Variants in SYCP1 observed in about 807,000 individuals in gnomAD.
The protein encoded by SYCP1 is cancer/testis antigen 8.
A neutral mutation model predicts 153.1 loss-of-function variants in SYCP1; 64 were observed. That is an observed-to-expected ratio of 0.42 (90% CI 0.34 to 0.51). The LOEUF is 0.51. Among genes scored for constraint, SYCP1 ranks in the 20% least tolerant of loss-of-function variants. The pLI, the probability that SYCP1 is intolerant of heterozygous loss-of-function variation, is 0.06. For missense variants in SYCP1, 997 were observed against 1,049.0 expected (o/e 0.95, Z 0.68); for synonymous variants, 384 against 341.8 (o/e 1.12, Z -1.36).
chr1:114,969,670 A>C (rs1025205834), intron 27 of SYCP1, among the ~76,000 whole-genome samples: 9 of 152,072 alleles, frequency 5.9e-5, no homozygotes, highest in African/African-American at 1.9e-4. Flanking sequence ...GTCTCATTGG[A>C]GTTTCATGTG....
chr1:114,920,513 A>T (rs1479303431), intron 20 of SYCP1, among the ~76,000 whole-genome samples: 1 of 152,022 alleles, frequency 6.6e-6, no homozygotes, highest in Non-Finnish European at 1.5e-5. Flanking sequence ...TAAAGTGCAG[A>T]TTGATTGATG....
intron 23 of SYCP1, among the ~76,000 whole-genome samples, chr1:114,930,873 A>T (rs1284131062): frequency 6.6e-6 from 1 of 151,906 alleles, no homozygotes; most frequent in South Asian, 2.1e-4. Context: ...TTAATAAAGT[A>T]TTAGTAAATC....
At chr1:114,917,976 C>A (rs1419114881) in intron 20 of SYCP1, among the ~76,000 whole-genome samples, 1 of 151,196 alleles carries the variant, frequency 6.6e-6, no homozygotes. Flanking sequence ...TGTGCAGAAG[C>A]TTTTTAACTT....
In SYCP1 at chr1:114,854,985, A is replaced by C. The variant is rs1351622656; in HGVS notation, c.-58A>C. 2 of 152,558 alleles carry C rather than the reference A, an allele frequency of 1.3e-5. No homozygotes were observed. The highest frequency in any genetic ancestry group is 1.9e-4 in the East Asian group (1 of 5,166). 9.5% of individuals were successfully genotyped at this position (152,558 alleles called of 1,614,324 possible). On this transcript the variant is annotated 5_prime_UTR_variant, in exon 1 of 32. Transcript: ENST00000369522. ...ACCGTATGTAGCAGTTCGCGTGGGC[A>C]CAGAACCCACGGTTTCCCGCTAGTT...
intron 12 of SYCP1, among the ~76,000 whole-genome samples, 181 bp from the exon 13 acceptor site, chr1:114,885,354 A>G (rs947801329): frequency 1.3e-5 from 2 of 152,122 alleles, no homozygotes; most frequent in Non-Finnish European, 2.9e-5. Flanking sequence ...GGAGATAACA[A>G]TCTTGAAAAG....
intron 15 of SYCP1, among the ~76,000 whole-genome samples, chr1:114,891,514 T>C (rs1666700094): frequency 6.6e-6 from 1 of 152,236 alleles, no homozygotes; most frequent in African/African-American, 2.4e-5. Flanking sequence ...GAGTACTGCA[T>C]ACCAAGTGAG....
At chr1:114,992,077 T>G (rs940244039) in intron 30 of SYCP1, among the ~76,000 whole-genome samples, 5 of 151,772 alleles carry the variant, frequency 3.3e-5, no homozygotes, top group Admixed American at 1.3e-4. Flanking sequence ...ATTTAAATAC[T>G]TAGGAACAAA....
At chr1:114,992,669 A>C in intron 30 of SYCP1, among the ~76,000 whole-genome samples, 1 of 151,680 alleles carries the variant, frequency 6.6e-6, no homozygotes, top group Non-Finnish European at 1.5e-5. Flanking sequence ...TTAAGAGCTA[A>C]AACTATAAAA....
chr1:114,935,417 G>A (rs1264003285), intron 23 of SYCP1, among the ~76,000 whole-genome samples: 3 of 152,174 alleles, frequency 2.0e-5, no homozygotes, highest in Non-Finnish European at 2.9e-5. Flanking sequence ...GTGTGTAGAG[G>A]GAAATTTGTA....
At position 114,856,693 on chromosome 1, in the gene SYCP1, A is replaced by G. The variant is rs753767319; in HGVS notation, c.193+36A>G. 6 of 1,478,828 alleles carry G rather than the reference A, an allele frequency of 4.1e-6. No homozygotes were observed. The South Asian group carries it at 6.0e-5, about 15-fold the overall frequency. The allele number at this position is 1,478,828 out of a possible 1,614,324, so 91.6% of individuals were successfully genotyped here. A position where few individuals can be genotyped will look rare whatever the true frequency, so the allele number is the denominator to read the frequency against. On this transcript the variant is annotated intron_variant, in intron 3 of 31. Transcript: ENST00000369522. Reference sequence around the variant, plus strand: ...GGAAAAGCAGTGTATCAGCTTATATAGAAACATTGTGTTACATACATCGAT... The same window carrying G: ...GGAAAAGCAGTGTATCAGCTTATATGGAAACATTGTGTTACATACATCGAT...
intron 30 of SYCP1, 123 bp from the exon 31 acceptor site, chr1:114,994,575 C>T: frequency 1.6e-6 from 1 of 610,336 alleles, no homozygotes; most frequent in Non-Finnish European, 2.5e-6. Flanking sequence ...TTGCCCTTCT[C>T]CCTTCTACAT....
chr1:114,957,149 C>G (rs1050720732), intron 27 of SYCP1, among the ~76,000 whole-genome samples: 3 of 152,082 alleles, frequency 2.0e-5, no homozygotes, highest in Admixed American at 2.0e-4. Context: ...ACTGGAATCT[C>G]CAACTCCTGG....
intron 2 of SYCP1, 25 bp downstream of exon 2, chr1:114,855,597 T>C (rs1663882545): frequency 6.5e-7 from 1 of 1,540,144 alleles, no homozygotes; most frequent in Admixed American, 1.7e-5. Flanking sequence ...GACTCTTAAT[T>C]GGACTCTTCT....
chr1:114,891,873 C>T (rs577921374), intron 15 of SYCP1, among the ~76,000 whole-genome samples: 1 of 152,154 alleles, frequency 6.6e-6, no homozygotes, highest in East Asian at 1.9e-4. Context: ...GAGGTTTGCA[C>T]TCTTCTTGGA....
chr1:114,876,771 A>G lies in SYCP1; in HGVS notation c.762A>G (p.Glu254=). The part of the protein sequence containing the change: ...KEDYEKIQHL[E]QEYKKEINDK... ...ATTATGAAAAAATCCAACACCTTGAACAAGAATACAAGAAGGAAATAAATG... is the reference window on the plus strand; with the variant it reads ...ATTATGAAAAAATCCAACACCTTGAGCAAGAATACAAGAAGGAAATAAATG... Residue 254 remains glutamate (E), a synonymous_variant, in exon 11 of 32, where the codon GAA becomes GAG. Coordinates refer to ENST00000369522, the MANE Select transcript of SYCP1 (RefSeq NM_003176.4). 1 of 1,397,516 alleles carries G rather than the reference A, an allele frequency of 7.2e-7. No individual in the cohort carries two copies. The highest frequency in any genetic ancestry group is 1.9e-5 in the South Asian group (1 of 53,514). 86.6% of individuals were successfully genotyped at this position (1,397,516 alleles called of 1,614,324 possible).
chr1:114,902,491 G>T (rs949017199), intron 16 of SYCP1, among the ~76,000 whole-genome samples: 1 of 142,584 alleles, frequency 7.0e-6, no homozygotes, highest in African/African-American at 3.1e-5. Flanking sequence ...AGAGAGTCCT[G>T]CTAGCAGGCT....
At chr1:114,916,063 C>T (rs536921420) in intron 20 of SYCP1, among the ~76,000 whole-genome samples, 1 of 152,088 alleles carries the variant, frequency 6.6e-6, no homozygotes, top group Non-Finnish European at 1.5e-5. Context: ...AGTCAGCTTC[C>T]CATAGGTGTA....
In SYCP1 at chr1:114,887,660, AC is replaced by A; in HGVS notation, c.1227del (p.Met410TrpfsTer13). The A allele has an allele frequency of 6.4e-7, 1 of 1,571,998 alleles. No individual in the cohort carries two copies. The highest frequency in any genetic ancestry group is 8.6e-7 in the Non-Finnish European group (1 of 1,156,388). ...EKNEDQLKIL[T>X]MELQKKSSEL... Reference sequence around the variant, plus strand: ...AAATGAAGATCAATTGAAAATACTTACCATGGAGCTTCAAAAGAAATCAAGT... The same window carrying A: ...AAATGAAGATCAATTGAAAATACTTACATGGAGCTTCAAAAGAAATCAAGT... On this transcript the variant is annotated frameshift_variant, in exon 15 of 32. Coordinates refer to ENST00000369522, the MANE Select transcript of SYCP1 (RefSeq NM_003176.4). LOFTEE classifies it high-confidence loss of function.
chr1:114,876,088 A>G lies in SYCP1; in HGVS notation c.677A>G (p.Glu226Gly), dbSNP rs373247427. 1.8e-5 allele frequency: 29 copies of G among 1,582,538 alleles called. No individual in the cohort carries two copies. The highest frequency in any genetic ancestry group is 2.5e-5 in the Non-Finnish European group (29 of 1,162,820). The stretch of plus-strand genomic sequence containing the variant: ...TTTCAGAAAATGATAACAGCTTTTG[A>G]GGAACTTCGTGTGCAAGCTGAGAAT... ...NNIEKMITAF[E>G]ELRVQAENSR... Residue 226 changes from glutamate (E) to glycine (G), a missense_variant, in exon 10 of 32, where the codon GAG becomes GGG. This residue lies in a region of SYCP1 where 285 missense variants were observed against 366.1 expected (regional missense o/e 0.78). Transcript: ENST00000369522.
Sources: gnomAD v4.1 joint callset for allele counts (sites outside exome capture counted in the v4.1 genomes callset) on GRCh38, gnomAD v4.1.1 for gene constraint, gnomAD v4.1.1 regional missense constraint, MANE v1.5 for transcripts, NCBI Gene and HGNC (gene_info 2026-07-23, HGNC 2026-07-21) for gene names.